RGS17: variants seen among roughly 807,000 people sequenced by gnomAD.
RGS17 encodes the protein regulator of G-protein signaling 17.
Under a neutral mutation model 25.5 loss-of-function variants are expected in RGS17, and 12 were observed. The observed-to-expected ratio is 0.47, with a 90% confidence interval of 0.30 to 0.76. RGS17 has a LOEUF of 0.76. Among genes scored for constraint, RGS17 ranks in the 30% least tolerant of loss-of-function variants. The probability of loss-of-function intolerance (pLI) is 0.07; values close to 1 mark genes in which losing one functional copy is unlikely to be tolerated. For synonymous variants in RGS17, 71 were observed against 76.9 expected (o/e 0.92, Z 0.40); for missense variants, 196 against 242.2 (o/e 0.81, Z 1.27).
chr6:153,108,504 C>A (rs1777417901), intron 1 of RGS17, among the ~76,000 whole-genome samples: 1 of 151,842 alleles, frequency 6.6e-6, no homozygotes, highest in Non-Finnish European at 1.5e-5. Context: ...AAAAAATAAG[C>A]TCACTTCTCC....
At chr6:153,115,199 T>C (rs1202608752) in intron 1 of RGS17, among the ~76,000 whole-genome samples, 1 of 152,114 alleles carries the variant, frequency 6.6e-6, no homozygotes, top group Non-Finnish European at 1.5e-5. Context: ...TTCAGCCCAA[T>C]ATCTCCTTAA....
intron 1 of RGS17, among the ~76,000 whole-genome samples, chr6:153,107,612 T>C (rs560276192): frequency 2.0e-5 from 3 of 152,240 alleles, no homozygotes; most frequent in African/African-American, 7.2e-5. Context: ...TTGGGGACTA[T>C]GGTAATGAAA....
chr6:153,079,829 CTTTTA>C (rs1776945678), intron 1 of RGS17, among the ~76,000 whole-genome samples: 1 of 151,782 alleles, frequency 6.6e-6, no homozygotes, highest in African/African-American at 2.4e-5. Context: ...AGTGTTCCTC[CTTTTA>C]TTTTTTGAAA....
At chr6:153,081,823 T>A (rs1776991262) in intron 1 of RGS17, among the ~76,000 whole-genome samples, 1 of 152,240 alleles carries the variant, frequency 6.6e-6, no homozygotes, top group Non-Finnish European at 1.5e-5. Flanking sequence ...TTACCCACAT[T>A]TTCCATTTAA....
chr6:153,097,467 G>A (rs1777233766), intron 1 of RGS17, among the ~76,000 whole-genome samples: 2 of 151,488 alleles, frequency 1.3e-5, no homozygotes, highest in Non-Finnish European at 2.9e-5. Flanking sequence ...GAAAACTTTG[G>A]CACCCAGGAA....
At chr6:153,030,129 T>C (rs186194522) in intron 2 of RGS17, among the ~76,000 whole-genome samples, 137 of 152,252 alleles carry the variant, frequency 9.0e-4, no homozygotes, top group African/African-American at 3.0e-3. Context: ...ATAGTGACTT[T>C]GAAAAGGGAG....
intron 1 of RGS17, among the ~76,000 whole-genome samples, chr6:153,057,960 C>G (rs1325323940): frequency 6.6e-6 from 1 of 152,152 alleles, no homozygotes; most frequent in African/African-American, 2.4e-5. Context: ...ACTATGTATC[C>G]CAGTTCCTAA....
intron 1 of RGS17, among the ~76,000 whole-genome samples, chr6:153,129,936 G>A (rs1314808418): frequency 6.6e-6 from 1 of 152,152 alleles, no homozygotes; most frequent in African/African-American, 2.4e-5. Context: ...AGGGCGCAGG[G>A]CGGGTCCCGT....
chr6:153,064,155 A>T (rs1393450311), intron 1 of RGS17, among the ~76,000 whole-genome samples: 1 of 152,212 alleles, frequency 6.6e-6, no homozygotes, highest in Non-Finnish European at 1.5e-5. Context: ...ACCTGAAGGT[A>T]CAAAACTCAC....
chr6:153,054,747 A>AC, intron 1 of RGS17, among the ~76,000 whole-genome samples: 2 of 151,958 alleles, frequency 1.3e-5, no homozygotes, highest in South Asian at 4.2e-4. Flanking sequence ...CTTAAAAAAA[A>AC]CATCATAGGC....
At chr6:153,122,627 G>A (rs2129127105) in intron 1 of RGS17, among the ~76,000 whole-genome samples, 1 of 151,972 alleles carries the variant, frequency 6.6e-6, no homozygotes, top group African/African-American at 2.4e-5. Context: ...TAAGACAGTA[G>A]GGTTTTTTGT....
At chr6:153,054,042 TGTATATATGTATATAA>T (rs1776511838) in intron 1 of RGS17, among the ~76,000 whole-genome samples, 10 of 49,854 alleles carry the variant, frequency 2.0e-4, no homozygotes, top group Non-Finnish European at 2.7e-4. Context: ...TACATATATA[TGTATATATGTATATAA>T]TATATATACA....
chr6:153,102,454 TACTAGTAAA>T (rs1246187378), intron 1 of RGS17, among the ~76,000 whole-genome samples: 2 of 152,212 alleles, frequency 1.3e-5, no homozygotes, highest in Non-Finnish European at 2.9e-5. Context: ...TACATATCTT[TACTAGTAAA>T]ACAAACAGGG....
At chr6:153,122,926 C>G (rs370974928) in intron 1 of RGS17, among the ~76,000 whole-genome samples, 1 of 70,464 alleles carries the variant, frequency 1.4e-5, no homozygotes, top group Non-Finnish European at 2.8e-5. Context: ...CACAATGAAG[C>G]CTTTTACTCC....
At chr6:153,053,635 A>G (rs1776491912) in intron 1 of RGS17, among the ~76,000 whole-genome samples, 2 of 151,820 alleles carry the variant, frequency 1.3e-5, no homozygotes. Flanking sequence ...AAAATAAAAA[A>G]TTTAACCAGG....
chr6:153,090,671 T>C (rs563636589), intron 1 of RGS17, among the ~76,000 whole-genome samples: 4 of 152,134 alleles, frequency 2.6e-5, no homozygotes, highest in East Asian at 3.9e-4. Flanking sequence ...ATGCATAAGA[T>C]TGAAATTGTG....
chr6:153,081,295 C>T (rs960228315), intron 1 of RGS17, among the ~76,000 whole-genome samples: 10 of 152,070 alleles, frequency 6.6e-5, no homozygotes, highest in Non-Finnish European at 8.8e-5. Flanking sequence ...TTTACATGCA[C>T]ATTTATCATT....
At chr6:153,015,754 C>T (rs929196333) in intron 4 of RGS17, among the ~76,000 whole-genome samples, 2 of 151,714 alleles carry the variant, frequency 1.3e-5, no homozygotes, top group Non-Finnish European at 2.9e-5. Context: ...CCCGGGTTCA[C>T]GCCATTGTCC....
chr6:153,004,578 T>G lies in RGS17; in HGVS notation c.*6996A>C, dbSNP rs145944285. 6.6e-6 allele frequency: 1 copy of G among 152,208 alleles called. No individual in the cohort carries two copies. The highest frequency in any genetic ancestry group is 1.5e-5 in the Non-Finnish European group (1 of 67,990). 9.4% of individuals were successfully genotyped at this position (152,208 alleles called of 1,614,324 possible). A position where few individuals can be genotyped will look rare whatever the true frequency, so the allele number is the denominator to read the frequency against. The stretch of plus-strand genomic sequence containing the variant: ...TAGTAAAATGAAAACAGCTGTATTT[T>G]GATTTACTTTGAAAACTCAAACCTA... On this transcript the variant is annotated 3_prime_UTR_variant, in exon 5 of 5. Coordinates refer to ENST00000206262, the MANE Select transcript of RGS17 (RefSeq NM_012419.5).
Sources: gnomAD v4.1 joint callset for allele counts (sites outside exome capture counted in the v4.1 genomes callset) on GRCh38, gnomAD v4.1.1 for gene constraint, MANE v1.5 for transcripts, NCBI Gene and HGNC (gene_info 2026-07-23, HGNC 2026-07-21) for gene names.